The following NSD2 variants were observed in gnomAD, a reference collection of about 807,000 sequenced individuals.
NSD2 encodes the protein histone-lysine N-methyltransferase NSD2.
Under a neutral mutation model 139.0 loss-of-function variants are expected in NSD2, and 12 were observed. That is an observed-to-expected ratio of 0.09 (90% CI 0.06 to 0.14). The LOEUF (loss-of-function observed/expected upper bound fraction) is 0.14, where lower values mean the gene tolerates loss of function less well. Ranked by LOEUF, NSD2 falls within the 10% of genes least tolerant of loss-of-function variation. The probability of loss-of-function intolerance (pLI) is 1.00; values close to 1 mark genes in which losing one functional copy is unlikely to be tolerated. For missense variants in NSD2, 1,155 were observed against 1,745.0 expected (o/e 0.66, Z 6.02); for synonymous variants, 669 against 648.7 (o/e 1.03, Z -0.48).
Position 1,930,669 on chromosome 4 carries a change from A to T in NSD2, c.1454A>T (p.Glu485Val), listed in dbSNP as rs1303202014. The T allele has an allele frequency of 1.2e-6, 2 of 1,613,726 alleles. No individual in the cohort carries two copies. Among genetic ancestry groups the T allele is most frequent in the Non-Finnish European group, 8.5e-7 (1 of 1,179,810 alleles). The part of the protein sequence containing the change: ...HPDASGEEIE[E>V]LLRSQWSLLS... ...GATGCTTCAGGTGAGGAGATTGAAG[A>T]GCTGCTCAGGTCACAGTGGAGTCTG... is the stretch of plus-strand genomic sequence containing the variant. The change falls in exon 6 of 22, where the codon GAG (glutamate) becomes GTG (valine). Residue 485 changes from glutamate (E) to valine (V), a missense_variant. Glu to Val is a moderately radical substitution (Grantham distance 121, BLOSUM62 -2). This residue lies in a region of NSD2 where 420 missense variants were observed against 469.0 expected (regional missense o/e 0.90). Coordinates refer to ENST00000508803, the MANE Select transcript of NSD2 (RefSeq NM_001042424.3).
At chr4:1,906,310 C>T (rs768365154) in intron 3 of NSD2, among the ~76,000 whole-genome samples, 2 of 152,122 alleles carry the variant, frequency 1.3e-5, no homozygotes, top group Non-Finnish European at 2.9e-5. Flanking sequence ...GCAGTCTTAG[C>T]TCACTGCAAC....
In NSD2 at chr4:1,901,268, G is replaced by T. The variant is rs747220169; in HGVS notation, c.597+17G>T. The T allele has an allele frequency of 6.5e-7, 1 of 1,542,846 alleles. No individual in the cohort carries two copies. ...GATAAAAAGGTATTTAGGAGACGTTGTGTAAGGGGTCATGTGACCTTGAGC... is the reference window on the plus strand; with the variant it reads ...GATAAAAAGGTATTTAGGAGACGTTTTGTAAGGGGTCATGTGACCTTGAGC... On this transcript the variant is annotated intron_variant, in intron 2 of 21. Coordinates refer to ENST00000508803, the MANE Select transcript of NSD2 (RefSeq NM_001042424.3).
intron 5 of NSD2, among the ~76,000 whole-genome samples, chr4:1,927,454 A>C (rs1007483461): frequency 6.6e-6 from 1 of 152,232 alleles, no homozygotes; most frequent in African/African-American, 2.4e-5. Context: ...GCAGTGCCTC[A>C]TGCCTGTAAT....
At chr4:1,879,606 G>A (rs1345723000) in intron 1 of NSD2, among the ~76,000 whole-genome samples, 1 of 152,058 alleles carries the variant, frequency 6.6e-6, no homozygotes, top group Non-Finnish European at 1.5e-5. Context: ...ATCTTTGCTG[G>A]CCAGTCCTTT....
intron 3 of NSD2, among the ~76,000 whole-genome samples, chr4:1,916,255 A>T (rs1027197718): frequency 6.6e-6 from 1 of 152,098 alleles, no homozygotes; most frequent in Non-Finnish European, 1.5e-5. Flanking sequence ...TTTCTTGCAC[A>T]TGTCCTCTTG....
chr4:1,883,269 T>C (rs1400385288), intron 1 of NSD2, among the ~76,000 whole-genome samples: 1 of 152,150 alleles, frequency 6.6e-6, no homozygotes, highest in African/African-American at 2.4e-5. Context: ...ATTTGTGGAC[T>C]TCCTTAGCTC....
intron 20 of NSD2, chr4:1,975,601 C>G: frequency 1.8e-6 from 1 of 565,092 alleles, no homozygotes; most frequent in Non-Finnish European, 3.2e-6. Context: ...AACGTGTTTC[C>G]TGGGGCTGCC....
At chr4:1,871,821 G>A (rs1713793281) in intron 1 of NSD2, among the ~76,000 whole-genome samples, 1 of 148,782 alleles carries the variant, frequency 6.7e-6, no homozygotes, top group South Asian at 2.1e-4. Context: ...AGGCCGGGAC[G>A]AGTCCGGGCA....
chr4:1,976,285 T>C lies in NSD2; in HGVS notation c.3622-190T>C. On this transcript the variant is annotated intron_variant, in intron 20 of 21. Coordinates refer to ENST00000508803, the MANE Select transcript of NSD2 (RefSeq NM_001042424.3). This position sits in a 1 kb window ranked among gnomAD's most constrained non-coding sequence, Gnocchi z 5.3. ...ACTCTAGTCGTAGTCTTTGTTCAGC[T>C]TTTTCACGCTGAGTCGAGTGAGTCT... 1 of 635,356 alleles carries C rather than the reference T, an allele frequency of 1.6e-6. No homozygotes were observed. Among genetic ancestry groups the C allele is most frequent in the South Asian group, 2.0e-5 (1 of 50,274 alleles). 39.4% of individuals were successfully genotyped at this position (635,356 alleles called of 1,614,324 possible). A position where few individuals can be genotyped will look rare whatever the true frequency, so the allele number is the denominator to read the frequency against.
intron 5 of NSD2, chr4:1,918,825 A>C (rs1281426298): frequency 2.9e-5 from 20 of 679,766 alleles, no homozygotes; most frequent in Non-Finnish European, 4.4e-5. Context: ...CTGGGGTCTT[A>C]AAATATCCTT....
At chr4:1,884,176 A>G (rs1274433901) in intron 1 of NSD2, among the ~76,000 whole-genome samples, 1 of 151,456 alleles carries the variant, frequency 6.6e-6, no homozygotes, top group African/African-American at 2.4e-5. Context: ...GCTCACTGCA[A>G]CCTCTGCCTC....
Position 1,972,966 on chromosome 4 carries a change from C to T in NSD2, c.3373-1897C>T, listed in dbSNP as rs538762025. Among the ~76,000 whole-genome samples, 1 of 152,236 alleles carries T rather than the reference C, an allele frequency of 6.6e-6. No individual in the cohort carries two copies. Among genetic ancestry groups the T allele is most frequent in the East Asian group, 1.9e-4 (1 of 5,172 alleles). On this transcript the variant is annotated intron_variant, in intron 18 of 21. Transcript: ENST00000508803. This position sits in a 1 kb window ranked among gnomAD's most constrained non-coding sequence, Gnocchi z 4.0. ...CTCACAGGTTCAAGCCATTCTCCTG[C>T]CTCAGCCTCCCGAGTAACTGGGATT...
rs1053941353 is a variant in NSD2, at chr4:1,982,176, A to G, written c.*3267A>G. The G allele has an allele frequency of 1.6e-5, 6 of 379,536 alleles. No individual in the cohort carries two copies. Among genetic ancestry groups the G allele is most frequent in the African/African-American group, 2.1e-5 (1 of 48,332 alleles). The allele number at this position is 379,536 out of a possible 1,614,324, so 23.5% of individuals were successfully genotyped here. A position where few individuals can be genotyped will look rare whatever the true frequency, so the allele number is the denominator to read the frequency against. ...AATTGTGTATGAGTATTTTTGTATT[A>G]AAAACATTTTAAAGGCTTTTTTCTT... On this transcript the variant is annotated 3_prime_UTR_variant, in exon 22 of 22. Coordinates refer to ENST00000508803, the MANE Select transcript of NSD2 (RefSeq NM_001042424.3).
chr4:1,963,673 C>G (rs1725589149), intron 18 of NSD2, among the ~76,000 whole-genome samples: 1 of 152,202 alleles, frequency 6.6e-6, no homozygotes, highest in Non-Finnish European at 1.5e-5. Context: ...AAGCCTGTGA[C>G]ACATGAGAGA....
rs1724340571 is a variant in NSD2, at chr4:1,952,217, G to A, written c.2123G>A (p.Ser708Asn). The A allele has an allele frequency of 3.1e-6, 5 of 1,613,810 alleles. No homozygotes were observed. The African/African-American group carries it at 6.7e-5, about 22-fold the overall frequency. ...SRRPEGRFTC[S>N]ECASGIHSCF... ...AGGCCAGAAGGGAGGTTCACCTGCA[G>A]CGAGTGTGCCTCAGGCAAGTTCCCA... The change falls in exon 11 of 22, where the codon AGC (serine) becomes AAC (asparagine). Residue 708 changes from serine to asparagine, a missense_variant. This residue lies in a region of NSD2 where 120 missense variants were observed against 239.3 expected (regional missense o/e 0.50). Coordinates refer to ENST00000508803, the MANE Select transcript of NSD2 (RefSeq NM_001042424.3).
At chr4:1,952,287 C>A in intron 11 of NSD2, 56 bp downstream of exon 11, 2 of 1,603,980 alleles carry the variant, frequency 1.2e-6, no homozygotes, top group Non-Finnish European at 1.7e-6. Flanking sequence ...GCTCCTGCAA[C>A]CCCCTGCACC....
chr4:1,913,024 T>A (rs1718879087), intron 3 of NSD2, among the ~76,000 whole-genome samples: 1 of 152,264 alleles, frequency 6.6e-6, no homozygotes, highest in Non-Finnish European at 1.5e-5. Flanking sequence ...CATGATTATA[T>A]ATGAATATTA....
chr4:1,955,692 G>C lies in NSD2; in HGVS notation c.2519-1G>C. 1 of 1,610,964 alleles carries C rather than the reference G, an allele frequency of 6.2e-7. No homozygotes were observed. Among genetic ancestry groups the C allele is most frequent in the Non-Finnish European group, 8.5e-7 (1 of 1,178,228 alleles). On this transcript the variant is annotated splice_acceptor_variant, in intron 13 of 21. Transcript: ENST00000508803. LOFTEE classifies it high-confidence loss of function. This position sits in a 1 kb window ranked among gnomAD's most constrained non-coding sequence, Gnocchi z 4.7. The stretch of plus-strand genomic sequence containing the variant: ...CTGGCCGCCTCGCCCTCCTCTTGCA[G>C]GGGGGAGCCTTCTGTGCTGTGAGTC...
chr4:1,941,287 A>T (rs1219813591), intron 9 of NSD2: 2 of 1,056,008 alleles, frequency 1.9e-6, no homozygotes, highest in East Asian at 1.1e-4. Context: ...CTGTTATCAT[A>T]ATTTTGGTCC....
Sources: allele counts gnomAD v4.1 joint callset (sites outside exome capture counted in the v4.1 genomes callset), GRCh38; gene constraint gnomAD v4.1.1; regional missense constraint gnomAD v4.1.1; non-coding constraint Gnocchi (gnomAD v3.1); transcripts MANE v1.5; gene names NCBI Gene and HGNC (gene_info 2026-07-23, HGNC 2026-07-21).